Variants in BAIAP2L1 observed in about 807,000 individuals in gnomAD.
BAIAP2L1 encodes BAR/IMD domain containing adaptor protein 2 like 1, also known as BAR/IMD domain-containing adapter protein 2-like 1.
BAIAP2L1 carries 35 observed loss-of-function variants against 66.3 expected under a neutral mutation model. The ratio of observed to expected loss-of-function variants is 0.53; its 90% CI spans 0.40 to 0.70. The LOEUF is 0.70. Ranked by LOEUF, BAIAP2L1 falls within the 30% of genes least tolerant of loss-of-function variation. The pLI, the probability that BAIAP2L1 is intolerant of heterozygous loss-of-function variation, is 0.00. For synonymous variants in BAIAP2L1, 269 were observed against 248.7 expected (o/e 1.08, Z -0.77); for missense variants, 622 against 656.9 (o/e 0.95, Z 0.58).
In BAIAP2L1 at chr7:98,317,200, A is replaced by C. The variant is rs1229942798; in HGVS notation, c.486+19T>G. ...ATTGTCAACAACAAAAGAAAACAAG[A>C]TATTGTTGAAAAGCTCACCTCAATT... On this transcript the variant is annotated intron_variant, in intron 6 of 13. Transcript: ENST00000005260. 1 of 1,614,008 alleles carries C rather than the reference A, an allele frequency of 6.2e-7. No homozygotes were observed. The highest frequency in any genetic ancestry group is 8.5e-7 in the Non-Finnish European group (1 of 1,179,972).
At chr7:98,342,041 A>ATTTTTTTTT (rs142061599) in intron 3 of BAIAP2L1, among the ~76,000 whole-genome samples, 5 of 95,074 alleles carry the variant, frequency 5.3e-5, no homozygotes, top group East Asian at 3.4e-4. Context: ...TTTTTTTCTG[A>ATTTTTTTTT]TTTTTTTTTT....
In BAIAP2L1 at chr7:98,292,519, C is replaced by A. The variant is rs1394377654; in HGVS notation, c.*1002G>T. The A allele has an allele frequency of 1.0e-6, 1 of 972,378 alleles. No homozygotes were observed. 60.2% of individuals were successfully genotyped at this position (972,378 alleles called of 1,614,324 possible). A position where few individuals can be genotyped will look rare whatever the true frequency, so the allele number is the denominator to read the frequency against. ...CAAAATAGGTCCAGATCCTTGGCAG[C>A]CAAAGATGATTTCCAGCCCCGGGCT... is the stretch of plus-strand genomic sequence containing the variant. On this transcript the variant is annotated 3_prime_UTR_variant, in exon 14 of 14. Coordinates refer to ENST00000005260, the MANE Select transcript of BAIAP2L1 (RefSeq NM_018842.5).
intron 1 of BAIAP2L1, among the ~76,000 whole-genome samples, chr7:98,398,745 G>C (rs1192258018): frequency 6.6e-6 from 1 of 152,130 alleles, no homozygotes; most frequent in Non-Finnish European, 1.5e-5. Context: ...CCTTGGTACG[G>C]TCCCTCTAAG....
intron 3 of BAIAP2L1, among the ~76,000 whole-genome samples, chr7:98,323,770 C>T (rs567393571): frequency 1.1e-3 from 166 of 152,298 alleles, no homozygotes; most frequent in African/African-American, 3.8e-3. Flanking sequence ...ATTCAGATGC[C>T]GACCTCACAG....
Position 98,400,962 on chromosome 7 carries a change from G to T in BAIAP2L1, c.-110C>A. ...CGCGACTAAGGGGCTCTGGAGGGTC[G>T]GCCGCCGCCGCAGCCGTCGGCCCGA... is the stretch of plus-strand genomic sequence containing the variant. On this transcript the variant is annotated 5_prime_UTR_variant, in exon 1 of 14. Transcript: ENST00000005260. The T allele has an allele frequency of 9.8e-7, 1 of 1,015,850 alleles. No homozygotes were observed. Among genetic ancestry groups the T allele is most frequent in the Non-Finnish European group, 1.3e-6 (1 of 769,828 alleles). The allele number at this position is 1,015,850 out of a possible 1,614,324, so 62.9% of individuals were successfully genotyped here. A position where few individuals can be genotyped will look rare whatever the true frequency, so the allele number is the denominator to read the frequency against.
chr7:98,330,793 G>A (rs1801478473), intron 3 of BAIAP2L1, among the ~76,000 whole-genome samples: 1 of 152,056 alleles, frequency 6.6e-6, no homozygotes, highest in Non-Finnish European at 1.5e-5. Context: ...GCACAGGCAT[G>A]TCACATGGTG....
chr7:98,365,635 C>T (rs1255067139), intron 1 of BAIAP2L1, among the ~76,000 whole-genome samples: 8 of 152,084 alleles, frequency 5.3e-5, no homozygotes, highest in South Asian at 2.1e-4. Flanking sequence ...TGCGCCACCA[C>T]GCCTGGCTAA....
chr7:98,348,636 G>A (rs764152938), intron 3 of BAIAP2L1, among the ~76,000 whole-genome samples: 9 of 151,950 alleles, frequency 5.9e-5, no homozygotes, highest in Non-Finnish European at 1.3e-4. Flanking sequence ...CTTACTTTAT[G>A]AGAAGAATGT....
At chr7:98,343,539 G>A (rs963663712) in intron 3 of BAIAP2L1, among the ~76,000 whole-genome samples, 1 of 152,142 alleles carries the variant, frequency 6.6e-6, no homozygotes, top group African/African-American at 2.4e-5. Context: ...TTGGGTTGAC[G>A]GTTTGTTTGC....
At chr7:98,311,341 T>C (rs1318769833) in intron 8 of BAIAP2L1, among the ~76,000 whole-genome samples, 2 of 147,014 alleles carry the variant, frequency 1.4e-5, no homozygotes, top group Admixed American at 1.4e-4. Context: ...CAGGAGATCG[T>C]GACCATCCTG....
intron 1 of BAIAP2L1, among the ~76,000 whole-genome samples, chr7:98,376,656 A>C (rs1802638440): frequency 8.0e-6 from 1 of 124,560 alleles, no homozygotes; most frequent in Non-Finnish European, 1.7e-5. Flanking sequence ...CCCCATCTTT[A>C]CAAAAAAAAA....
chr7:98,296,984 C>A (rs953949362), intron 12 of BAIAP2L1, among the ~76,000 whole-genome samples: 14 of 152,240 alleles, frequency 9.2e-5, no homozygotes, highest in Non-Finnish European at 4.4e-5. Flanking sequence ...GTGGGGGACA[C>A]CTCCAAGCCA....
chr7:98,340,959 G>GTTTTTTT (rs72057720), intron 3 of BAIAP2L1, among the ~76,000 whole-genome samples: 4 of 129,556 alleles, frequency 3.1e-5, no homozygotes, highest in Non-Finnish European at 3.2e-5. Flanking sequence ...CAGCTAATTG[G>GTTTTTTT]TTTTTTTTTT....
At chr7:98,366,940 G>A (rs1802400186) in intron 1 of BAIAP2L1, among the ~76,000 whole-genome samples, 2 of 152,072 alleles carry the variant, frequency 1.3e-5, no homozygotes, top group South Asian at 4.2e-4. Flanking sequence ...CACACAGGCT[G>A]GCGTGCAGTG....
intron 3 of BAIAP2L1, among the ~76,000 whole-genome samples, chr7:98,326,618 C>T (rs996491224): frequency 5.3e-5 from 8 of 152,064 alleles, no homozygotes; most frequent in Non-Finnish European, 1.0e-4. Context: ...TAGGAATCTG[C>T]GAGTCCACAG....
chr7:98,310,145 C>A (rs1280306542), intron 9 of BAIAP2L1: 4 of 277,718 alleles, frequency 1.4e-5, no homozygotes, highest in East Asian at 2.3e-4. Context: ...GCCACCGCGC[C>A]TGGCCTCCAT....
intron 2 of BAIAP2L1, among the ~76,000 whole-genome samples, chr7:98,357,599 A>G (rs1379344385): frequency 6.7e-6 from 1 of 150,146 alleles, no homozygotes; most frequent in African/African-American, 2.4e-5. Context: ...ATATATTTAT[A>G]TATATATAAA....
At chr7:98,313,461 C>T (rs1436326966) in intron 7 of BAIAP2L1, among the ~76,000 whole-genome samples, 1 of 152,100 alleles carries the variant, frequency 6.6e-6, no homozygotes, top group Non-Finnish European at 1.5e-5. Flanking sequence ...CTCAAGGTCA[C>T]CTCTGTCCTC....
At chr7:98,385,660 T>G (rs1802869567) in intron 1 of BAIAP2L1, 1 of 711,084 alleles carries the variant, frequency 1.4e-6, no homozygotes, top group Non-Finnish European at 2.3e-6. Context: ...GCAAGCTGCC[T>G]GCTTCAGCCT....
Sources: gnomAD v4.1 joint callset for allele counts (sites outside exome capture counted in the v4.1 genomes callset) on GRCh38, gnomAD v4.1.1 for gene constraint, MANE v1.5 for transcripts, NCBI Gene and HGNC (gene_info 2026-07-23, HGNC 2026-07-21) for gene names.